TRMT6: variants seen among roughly 807,000 people sequenced by gnomAD.
The protein encoded by TRMT6 is tRNA (adenine(58)-N(1))-methyltransferase non-catalytic subunit TRM6.
In TRMT6, 34 loss-of-function variants were observed where a neutral mutation model predicts 59.0. That is an observed-to-expected ratio of 0.58 (90% CI 0.44 to 0.77). The LOEUF (loss-of-function observed/expected upper bound fraction) is 0.77, where lower values mean the gene tolerates loss of function less well. TRMT6 is among the 30% of genes least tolerant of loss of function. TRMT6 has a pLI of 0.00. For missense variants in TRMT6, 575 were observed against 604.5 expected (o/e 0.95, Z 0.51); for synonymous variants, 217 against 210.5 (o/e 1.03, Z -0.27).
At chr20:5,948,476 C>T (rs987359605) in intron 1 of TRMT6, among the ~76,000 whole-genome samples, 5 of 152,092 alleles carry the variant, frequency 3.3e-5, no homozygotes, top group Admixed American at 6.5e-5. Context: ...ATGACTTCTG[C>T]GAAGAAGAGG....
chr20:5,945,032 A>G, intron 2 of TRMT6, 118 bp from the exon 3 acceptor site: 1 of 725,902 alleles, frequency 1.4e-6, no homozygotes, highest in Non-Finnish European at 2.4e-6. Context: ...TCCCAGCTGC[A>G]CTGCCCCCAT....
At chr20:5,950,196 A>C in intron 1 of TRMT6, 82 bp downstream of exon 1, 1 of 1,429,952 alleles carries the variant, frequency 7.0e-7, no homozygotes, top group Non-Finnish European at 9.4e-7. Context: ...CCCTGGCGGA[A>C]GAATTCTGTG....
At chr20:5,947,499 A>T (rs912542554) in intron 1 of TRMT6, among the ~76,000 whole-genome samples, 1 of 152,138 alleles carries the variant, frequency 6.6e-6, no homozygotes, top group Non-Finnish European at 1.5e-5. Context: ...TGTCACCTTT[A>T]TTGGTTCCCT....
intron 1 of TRMT6, among the ~76,000 whole-genome samples, chr20:5,949,694 G>A (rs1012007702): frequency 2.6e-5 from 4 of 152,166 alleles, no homozygotes; most frequent in Non-Finnish European, 4.4e-5. Flanking sequence ...ATCCTGCTTG[G>A]GTAGAGAAGA....
intron 1 of TRMT6, 57 bp from the exon 2 acceptor site, chr20:5,946,590 A>C (rs2088709123): frequency 6.5e-7 from 1 of 1,544,618 alleles, no homozygotes. Context: ...TACAGAAAAG[A>C]CATGTTCACT....
In TRMT6 at chr20:5,946,467, T is replaced by C. The variant is rs192596181; in HGVS notation, c.195A>G (p.Ala65=). ...DNVIGHSYGT[A]FEVTSGGSLQ... is the part of the protein sequence containing the mutation. ...GACTTCCTCCACTGGTCACTTCAAA[T>C]GCAGTTCCATAACTATGGCCAATGA... The change falls in exon 2 of 11, where the codon GCA becomes GCG. Residue 65 remains alanine, a synonymous_variant. Transcript: ENST00000203001. The C allele has an allele frequency of 6.2e-7, 1 of 1,614,156 alleles. No homozygotes were observed. The highest frequency in any genetic ancestry group is 1.7e-5 in the Admixed American group (1 of 60,020).
At chr20:5,945,645 G>A (rs2088699370) in intron 2 of TRMT6, among the ~76,000 whole-genome samples, 1 of 152,140 alleles carries the variant, frequency 6.6e-6, no homozygotes, top group Admixed American at 6.6e-5. Context: ...TATATTTGGT[G>A]CTTAGTAAAA....
Position 5,946,394 on chromosome 20 carries a change from C to T in TRMT6, c.256+12G>A, listed in dbSNP as rs569355695. 1 of 1,614,082 alleles carries T rather than the reference C, an allele frequency of 6.2e-7. No homozygotes were observed. Among genetic ancestry groups the T allele is most frequent in the African/African-American group, 1.3e-5 (1 of 75,044 alleles). On this transcript the variant is annotated intron_variant, in intron 2 of 10. Coordinates refer to ENST00000203001, the MANE Select transcript of TRMT6 (RefSeq NM_015939.5). ...TTGGAGAGCATCTATTTCACGCATC[C>T]AAAATGTGCACCTGCAGTAGGCTCT...
chr20:5,944,765 A>G, intron 3 of TRMT6, 40 bp downstream of exon 3: 1 of 1,541,490 alleles, frequency 6.5e-7, no homozygotes, highest in Non-Finnish European at 8.9e-7. Context: ...CCTAAATGCC[A>G]AACAGACAAA....
chr20:5,940,399 T>C (rs893288281), intron 10 of TRMT6, among the ~76,000 whole-genome samples: 3 of 152,212 alleles, frequency 2.0e-5, no homozygotes, highest in African/African-American at 4.8e-5. Flanking sequence ...CTGGGAATTT[T>C]GCTATTGTCA....
chr20:5,939,574 G>A (rs554230851), intron 10 of TRMT6, among the ~76,000 whole-genome samples: 2 of 152,100 alleles, frequency 1.3e-5, no homozygotes, highest in South Asian at 2.1e-4. Flanking sequence ...TGTTTCTGGC[G>A]GAGAATGGGT....
In TRMT6 at chr20:5,947,379, CCTT is replaced by C. The variant is rs1296516028; in HGVS notation, c.129-849_129-847del. Among the ~76,000 whole-genome samples, 13 of 152,210 alleles carry C rather than the reference CCTT, an allele frequency of 8.5e-5. 1 individual carries two copies. The highest frequency in any genetic ancestry group is 2.9e-5 in the Non-Finnish European group (2 of 68,030). On this transcript the variant is annotated intron_variant, in intron 1 of 10. Transcript: ENST00000203001. ...AATTCTGATTGTGCCCCATCCCACT[CCTT>C]CTCTTCCTTTCTCTGTGCCACCAGG...
At chr20:5,939,550 T>C (rs149216790) in intron 10 of TRMT6, among the ~76,000 whole-genome samples, 3 of 152,014 alleles carry the variant, frequency 2.0e-5, no homozygotes, top group Non-Finnish European at 2.9e-5. Context: ...CAGGTTTATC[T>C]AGAAACTGAA....
In TRMT6 at chr20:5,942,594, T is replaced by G; in HGVS notation, c.860A>C (p.Glu287Ala). 1 of 1,614,232 alleles carries G rather than the reference T, an allele frequency of 6.2e-7. No individual in the cohort carries two copies. The highest frequency in any genetic ancestry group is 8.5e-7 in the Non-Finnish European group (1 of 1,180,040). ...TTTTTCCTCCAGTGTGCCATTACTT[T>G]CTTCAACCAAAGCACTGTCTTTTGG... ...SEPKDSALVE[E>A]SNGTLEEKQA... The change falls in exon 7 of 11, where the codon GAA (glutamate) becomes GCA (alanine). Residue 287 changes from glutamate to alanine, a missense_variant. Glu to Ala is a moderately radical substitution (Grantham distance 107). Coordinates refer to ENST00000203001, the MANE Select transcript of TRMT6 (RefSeq NM_015939.5).
intron 8 of TRMT6, 141 bp downstream of exon 8, chr20:5,941,810 T>C (rs2088658278): frequency 1.4e-6 from 1 of 721,730 alleles, no homozygotes; most frequent in Non-Finnish European, 2.3e-6. Context: ...CAGCCTCCTT[T>C]CTTTAAAAAA....
rs561036486 is a variant in TRMT6, at chr20:5,938,749, T to C, written c.1303-23A>G. The C allele has an allele frequency of 2.5e-6, 4 of 1,607,298 alleles. No homozygotes were observed. In the East Asian group the frequency reaches 8.9e-5, roughly 36 times the overall value. On this transcript the variant is annotated intron_variant, in intron 10 of 10. Coordinates refer to ENST00000203001, the MANE Select transcript of TRMT6 (RefSeq NM_015939.5). The stretch of plus-strand genomic sequence containing the variant: ...AACCTAATCAAGACAGAAAAGACAT[T>C]CATGCTTTCCTAAGACAATAAAGTC...
In TRMT6 at chr20:5,937,809, T is replaced by G. The variant is rs1270925914; in HGVS notation, c.*726A>C. The G allele has an allele frequency of 1.3e-5, 2 of 152,214 alleles. No individual in the cohort carries two copies. Among genetic ancestry groups the G allele is most frequent in the African/African-American group, 2.4e-5 (1 of 41,452 alleles). The allele number at this position is 152,214 out of a possible 1,614,324, so 9.4% of individuals were successfully genotyped here. A position where few individuals can be genotyped will look rare whatever the true frequency, so the allele number is the denominator to read the frequency against. ...ATATACATATGTGTGTGTGTGCAAA[T>G]GTGTATCCATAAGACCATAGAGGGG... On this transcript the variant is annotated 3_prime_UTR_variant, in exon 11 of 11. Transcript: ENST00000203001.
chr20:5,942,754 C>T lies in TRMT6; in HGVS notation c.700G>A (p.Gly234Arg), dbSNP rs1163417467. The change falls in exon 7 of 11, where the codon GGA becomes AGA. Residue 234 changes from glycine to arginine, a missense_variant. By Grantham distance (125) the Gly-to-Arg change is moderately radical. Transcript: ENST00000203001. ...FGSIIQLYPG[G>R]GPVRAATACF... ...GCTGTTGCTGCCCGAACAGGTCCTC[C>T]TCCAGGGTATAGCTGAATAATGGAG... 2 of 1,613,952 alleles carry T rather than the reference C, an allele frequency of 1.2e-6. No individual in the cohort carries two copies. The highest frequency in any genetic ancestry group is 1.7e-6 in the Non-Finnish European group (2 of 1,179,968).
chr20:5,948,417 G>A (rs1215436110), intron 1 of TRMT6, among the ~76,000 whole-genome samples: 3 of 152,206 alleles, frequency 2.0e-5, no homozygotes, highest in Non-Finnish European at 4.4e-5. Context: ...GACCTGGGAT[G>A]CAGCTGAGCT....
Sources: gnomAD v4.1 joint callset for allele counts (sites outside exome capture counted in the v4.1 genomes callset) on GRCh38, gnomAD v4.1.1 for gene constraint, MANE v1.5 for transcripts, NCBI Gene and HGNC (gene_info 2026-07-23, HGNC 2026-07-21) for gene names.